Variants in RPSA2 observed in about 807,000 individuals in gnomAD.
RPSA2 encodes ribosomal protein SA 2.
chr19:23,850,187 C>T, the RPSA2 span, among the ~76,000 whole-genome samples: 1 of 150,858 alleles, frequency 6.6e-6, no homozygotes, highest in South Asian at 2.1e-4. Context: ...CAGGAGCATC[C>T]ATCCAGATGA....
the RPSA2 span, among the ~76,000 whole-genome samples, chr19:23,865,421 G>A: frequency 1.4e-4 from 21 of 152,142 alleles, 1 homozygote; most frequent in African/African-American, 5.1e-4. Context: ...GAGAGGGATT[G>A]AAATGGGCTC....
At chr19:23,849,795 A>G in the RPSA2 span, among the ~76,000 whole-genome samples, 3 of 152,116 alleles carry the variant, frequency 2.0e-5, no homozygotes, top group Non-Finnish European at 4.4e-5. Context: ...TTTTTTTAAT[A>G]CTACTGCATG....
the RPSA2 span, among the ~76,000 whole-genome samples, chr19:23,824,584 T>TTTC: frequency 7.0e-4 from 1 of 1,432 alleles, no homozygotes; most frequent in African/African-American, 8.1e-4. Flanking sequence ...GCATTTCTTT[T>TTTC]TTTTTTTTTT....
the RPSA2 span, among the ~76,000 whole-genome samples, chr19:23,813,676 T>G: frequency 1.3e-5 from 2 of 150,992 alleles, no homozygotes. Flanking sequence ...AGTACATTTA[T>G]AACATAAAAT....
chr19:23,868,199 G>T, the RPSA2 span, among the ~76,000 whole-genome samples: 2 of 152,188 alleles, frequency 1.3e-5, no homozygotes, highest in African/African-American at 4.8e-5. Context: ...TGTAGTAATA[G>T]ATCTTAAAGA....
At chr19:23,859,596 C>T in the RPSA2 span, among the ~76,000 whole-genome samples, 1 of 148,840 alleles carries the variant, frequency 6.7e-6, no homozygotes, top group East Asian at 2.0e-4. Context: ...CATTGCACTC[C>T]AGCCTGGGCA....
At chr19:23,833,943 A>G in the RPSA2 span, among the ~76,000 whole-genome samples, 36 of 152,136 alleles carry the variant, frequency 2.4e-4, no homozygotes, top group Non-Finnish European at 3.4e-4. Context: ...CCCTGCAAAT[A>G]TAATAAATTT....
At chr19:23,761,901 A>ATCCTTCCTTCCTTCCCTTCCTTCC in the RPSA2 span, among the ~76,000 whole-genome samples, 1 of 34,016 alleles carries the variant, frequency 2.9e-5, no homozygotes. Context: ...GGGTAACGTA[A>ATCCTTCCTTCCTTCCCTTCCTTCC]TTCTTTCTTT....
At chr19:23,765,837 A>T in the RPSA2 span, among the ~76,000 whole-genome samples, 1 of 152,228 alleles carries the variant, frequency 6.6e-6, no homozygotes, top group Non-Finnish European at 1.5e-5. Context: ...TTATGTGTGT[A>T]TGACACCTAT....
the RPSA2 span, among the ~76,000 whole-genome samples, chr19:23,839,382 G>C: frequency 6.6e-6 from 1 of 152,122 alleles, no homozygotes; most frequent in Admixed American, 6.5e-5. Context: ...TGTCAGGGAC[G>C]TGGGGGAAAG....
the RPSA2 span, among the ~76,000 whole-genome samples, chr19:23,825,238 A>C: frequency 6.6e-6 from 1 of 152,146 alleles, no homozygotes; most frequent in Non-Finnish European, 1.5e-5. Flanking sequence ...TTGGCCTCCC[A>C]AGGTATCTAA....
At chr19:23,830,828 A>G in the RPSA2 span, among the ~76,000 whole-genome samples, 1 of 151,652 alleles carries the variant, frequency 6.6e-6, no homozygotes, top group South Asian at 2.1e-4. Context: ...ATATTGCCCT[A>G]TTTTGTATAT....
At chr19:23,856,539 G>A in the RPSA2 span, among the ~76,000 whole-genome samples, 1 of 152,118 alleles carries the variant, frequency 6.6e-6, no homozygotes, top group African/African-American at 2.4e-5. Flanking sequence ...CTGTGGTCTG[G>A]ACCAATAAAC....
chr19:23,851,829 G>GT, the RPSA2 span, among the ~76,000 whole-genome samples: 5 of 152,106 alleles, frequency 3.3e-5, no homozygotes, highest in Non-Finnish European at 5.9e-5. Context: ...CAAACAATTT[G>GT]TTTTTTGGAA....
chr19:23,806,001 G>GTCTGTCAA, the RPSA2 span, among the ~76,000 whole-genome samples: 157 of 132,788 alleles, frequency 1.2e-3, no homozygotes, highest in African/African-American at 2.9e-3. Flanking sequence ...CTATCTGTCT[G>GTCTGTCAA]TCTATCTATC....
chr19:23,772,154 C>T, the RPSA2 span, among the ~76,000 whole-genome samples: 2 of 152,224 alleles, frequency 1.3e-5, no homozygotes, highest in East Asian at 3.9e-4. Flanking sequence ...TTCTTGCCTG[C>T]ACCCTGCCCT....
chr19:23,804,611 A>T, the RPSA2 span, among the ~76,000 whole-genome samples: 1 of 152,146 alleles, frequency 6.6e-6, no homozygotes, highest in African/African-American at 2.4e-5. Flanking sequence ...TCATTTTTCT[A>T]AACAGTGCTA....
the RPSA2 span, among the ~76,000 whole-genome samples, chr19:23,823,574 A>T: frequency 6.6e-6 from 1 of 151,998 alleles, no homozygotes; most frequent in East Asian, 1.9e-4. Context: ...CTCCTAACTG[A>T]CTTCGCGAGC....
the RPSA2 span, among the ~76,000 whole-genome samples, chr19:23,865,672 C>G: frequency 1.3e-5 from 2 of 152,172 alleles, no homozygotes; most frequent in Non-Finnish European, 2.9e-5. Flanking sequence ...CTGCCACCCC[C>G]TCCAATAACA....
Sources: gnomAD v4.1 joint callset for allele counts (sites outside exome capture counted in the v4.1 genomes callset) on GRCh38, gnomAD v4.1.1 for gene constraint, MANE v1.5 for transcripts, NCBI Gene and HGNC (gene_info 2026-07-23, HGNC 2026-07-21) for gene names.